DLC1: variants seen among roughly 807,000 people sequenced by gnomAD.
DLC1 encodes the protein rho GTPase-activating protein 7.
In DLC1, 54 loss-of-function variants were observed where a neutral mutation model predicts 140.3. The observed-to-expected ratio is 0.38, with a 90% CI of 0.31 to 0.48. DLC1 has a LOEUF of 0.48. Among genes scored for constraint, DLC1 ranks in the 20% least tolerant of loss-of-function variants. The pLI is 0.96. For missense variants in DLC1, 2,536 were observed against 1,907.0 expected (o/e 1.33, Z -6.14); for synonymous variants, 986 against 728.1 (o/e 1.35, Z -5.70).
rs552784405 is a variant in DLC1, at chr8:13,339,201, C to G, written c.1315-33899G>C. 1.1e-4 allele frequency among the ~76,000 whole-genome samples: 17 copies of G among 152,176 alleles called. No homozygotes were observed. The East Asian group carries it at 3.3e-3, about 29-fold the overall frequency. ...GATTAAAAGACATTGAAATGATGCA[C>G]GTAAGAAAAAATTTCAAAGTTAAAA... On this transcript the variant is annotated intron_variant, in intron 4 of 17. Transcript: ENST00000276297.
At chr8:13,283,180 A>T (rs1227788674) in intron 5 of DLC1, among the ~76,000 whole-genome samples, 1 of 152,154 alleles carries the variant, frequency 6.6e-6, no homozygotes, top group Non-Finnish European at 1.5e-5. Flanking sequence ...CATAGTATTA[A>T]TAAATGTTAT....
intron 4 of DLC1, among the ~76,000 whole-genome samples, chr8:13,369,487 G>C (rs753321702): frequency 6.6e-6 from 1 of 151,928 alleles, no homozygotes; most frequent in Non-Finnish European, 1.5e-5. Flanking sequence ...TTCTGCAACA[G>C]TACTCTCTCC....
intron 2 of DLC1, among the ~76,000 whole-genome samples, chr8:13,417,282 A>G (rs1838110153): frequency 6.6e-6 from 1 of 151,994 alleles, no homozygotes; most frequent in African/African-American, 2.4e-5. Context: ...ATATGTATAC[A>G]TGTGCCATGC....
rs369125869 is a variant in DLC1 at position 13,393,578 on chromosome 8, T to A, written c.1289A>T (p.Asn430Ile). The A allele has an allele frequency of 6.2e-7, 1 of 1,613,984 alleles. No homozygotes were observed. Among genetic ancestry groups the A allele is most frequent in the African/African-American group, 1.3e-5 (1 of 74,916 alleles). The change falls in exon 4 of 18, where the codon AAT (asparagine) becomes ATT (isoleucine). Residue 430 changes from asparagine (N) to isoleucine (I), a missense_variant. Asn to Ile is a moderately radical substitution (Grantham distance 149). Transcript: ENST00000276297. ...TDLPSSTPVA[N>I]SGTKPKTTAI... Reference sequence around the variant, plus strand: ...CGTAGTCTTGGGTTTGGTTCCAGAATTGGCTACTGGAGTGGAAGATGGGAG... The same window carrying A: ...CGTAGTCTTGGGTTTGGTTCCAGAAATGGCTACTGGAGTGGAAGATGGGAG...
chr8:13,585,280 T>C (rs912095242), intron 1 of DLC1, among the ~76,000 whole-genome samples: 2 of 152,034 alleles, frequency 1.3e-5, no homozygotes, highest in East Asian at 1.9e-4. Flanking sequence ...AATGAAGAAA[T>C]AGGCCTAGCA....
chr8:13,255,199 G>C (rs1563201316), intron 5 of DLC1, among the ~76,000 whole-genome samples: 1 of 152,090 alleles, frequency 6.6e-6, no homozygotes, highest in Non-Finnish European at 1.5e-5. Flanking sequence ...TCGAACTCCT[G>C]ACCTCAAGTG....
intron 8 of DLC1, among the ~76,000 whole-genome samples, chr8:13,101,875 C>T (rs1012027754): frequency 3.9e-5 from 6 of 152,146 alleles, no homozygotes; most frequent in African/African-American, 7.2e-5. Flanking sequence ...TTGGCCTTTT[C>T]GGCAGGATAT....
intron 1 of DLC1, among the ~76,000 whole-genome samples, chr8:13,566,347 C>T (rs1804427417): frequency 6.6e-6 from 1 of 150,434 alleles, no homozygotes; most frequent in South Asian, 2.1e-4. Flanking sequence ...AAGGTCCTCC[C>T]CCGCCCCTGC....
At chr8:13,485,497 T>C (rs550765220) in intron 2 of DLC1, among the ~76,000 whole-genome samples, 1 of 152,332 alleles carries the variant, frequency 6.6e-6, no homozygotes, top group East Asian at 1.9e-4. Flanking sequence ...AGCTTGGCAC[T>C]GCACAGCCAT....
At chr8:13,247,922 A>G (rs1829833422) in intron 5 of DLC1, among the ~76,000 whole-genome samples, 1 of 152,208 alleles carries the variant, frequency 6.6e-6, no homozygotes, top group Non-Finnish European at 1.5e-5. Flanking sequence ...ATTCATTTTA[A>G]TGGGATGTTG....
chr8:13,586,158 A>G (rs1283337460), intron 1 of DLC1, among the ~76,000 whole-genome samples: 2 of 152,166 alleles, frequency 1.3e-5, no homozygotes, highest in African/African-American at 4.8e-5. Flanking sequence ...ATTGTTGTAT[A>G]AAAGCTTCTC....
chr8:13,288,267 A>G (rs184570803), intron 5 of DLC1, among the ~76,000 whole-genome samples: 35 of 152,348 alleles, frequency 2.3e-4, no homozygotes, highest in Admixed American at 2.0e-4. Flanking sequence ...TTTAATACAG[A>G]ACTAAGAATA....
At chr8:13,449,613 A>G (rs1056274350) in intron 2 of DLC1, among the ~76,000 whole-genome samples, 1 of 151,098 alleles carries the variant, frequency 6.6e-6, no homozygotes, top group Non-Finnish European at 1.5e-5. Flanking sequence ...AGGTGGGAAT[A>G]GAACAATGAG....
At chr8:13,325,518 T>C (rs2116922200) in intron 4 of DLC1, among the ~76,000 whole-genome samples, 1 of 152,092 alleles carries the variant, frequency 6.6e-6, no homozygotes, top group Non-Finnish European at 1.5e-5. Context: ...GTGTAAAATA[T>C]AAAAGCTGGT....
intron 5 of DLC1, among the ~76,000 whole-genome samples, chr8:13,135,546 G>T (rs1254621847): frequency 6.6e-6 from 1 of 151,468 alleles, no homozygotes; most frequent in African/African-American, 2.4e-5. Context: ...GATCGCTCAG[G>T]CTGCAGTGTA....
intron 4 of DLC1, among the ~76,000 whole-genome samples, chr8:13,343,107 AC>A (rs1199833971): frequency 9.2e-5 from 14 of 152,204 alleles, no homozygotes; most frequent in Non-Finnish European, 2.1e-4. Context: ...TTTTTGTGAA[AC>A]AGGCGCACTT....
intron 2 of DLC1, among the ~76,000 whole-genome samples, chr8:13,402,609 G>GA (rs1374345557): frequency 6.6e-6 from 1 of 152,176 alleles, no homozygotes; most frequent in East Asian, 1.9e-4. Context: ...TGATCTGGGT[G>GA]AAATCAGCTT....
chr8:13,088,663 A>C lies in DLC1; in HGVS notation c.4116T>G (p.Ile1372Met). ...TTTCCTCTGGCACAGCAGGGACTTCAATGACTGACCTCCAAAGCCTCAGAG... is the reference window on the plus strand; with the variant it reads ...TTTCCTCTGGCACAGCAGGGACTTCCATGACTGACCTCCAAAGCCTCAGAG... Reference protein sequence around the residue: ...GPPLRLWRSVIEVPAVPEEIL... With the variant: ...GPPLRLWRSVMEVPAVPEEIL... The change falls in exon 16 of 18, where the codon ATT becomes ATG. Residue 1372 changes from isoleucine (I) to methionine (M), a missense_variant. Ile to Met is a conservative substitution (Grantham distance 10). Transcript: ENST00000276297. The C allele has an allele frequency of 1.2e-6, 2 of 1,614,146 alleles. No homozygotes were observed. Among genetic ancestry groups the C allele is most frequent in the Non-Finnish European group, 1.7e-6 (2 of 1,180,026 alleles).
chr8:13,405,917 T>TTTTCTTTTTC (rs1491226520), intron 2 of DLC1, among the ~76,000 whole-genome samples: 1 of 84,904 alleles, frequency 1.2e-5, no homozygotes, highest in Non-Finnish European at 2.3e-5. Context: ...CTTTCTTTTC[T>TTTTCTTTTTC]TTTCTTTCTT....
Sources: gnomAD v4.1 joint callset for allele counts (sites outside exome capture counted in the v4.1 genomes callset) on GRCh38, gnomAD v4.1.1 for gene constraint, MANE v1.5 for transcripts, NCBI Gene and HGNC (gene_info 2026-07-23, HGNC 2026-07-21) for gene names.